Variants in AGAP5 observed in about 807,000 individuals in gnomAD.
The protein encoded by AGAP5 is ArfGAP with GTPase domain, ankyrin repeat and PH domain 5, also known as arf-GAP with GTPase, ANK repeat and PH domain-containing protein 5.
In AGAP5, 8 loss-of-function variants were observed where a neutral mutation model predicts 27.7. That is an observed-to-expected ratio of 0.29 (90% CI 0.17 to 0.52). AGAP5 has a LOEUF of 0.52. AGAP5 is among the 20% of genes least tolerant of loss of function. The probability of loss-of-function intolerance (pLI) is 0.97; values close to 1 mark genes in which losing one functional copy is unlikely to be tolerated. For missense variants in AGAP5, 285 were observed against 880.8 expected, an observed-to-expected ratio of 0.32 and a Z score of 8.56; for synonymous variants, 111 against 338.0, an observed-to-expected ratio of 0.33 and a Z score of 7.37.
rs766729026 is a variant in AGAP5 at position 73,697,646 on chromosome 10, C to T, written c.110G>A (p.Gly37Glu). The T allele has an allele frequency of 3.6e-5, 58 of 1,603,844 alleles. 1 individual carries two copies. The highest frequency in any genetic ancestry group is 5.0e-5 in the Admixed American group (3 of 60,004). Residue 37 changes from glycine to glutamate, a missense_variant, in exon 1 of 8, where the codon GGG becomes GAG. Transcript: ENST00000374094. ...SESEIYEAGAGDRMAGAPMAA... is the reference protein window; with the variant it reads ...SESEIYEAGAEDRMAGAPMAA... ...CATGGGCGCTCCTGCCATCCTGTCC[C>T]CAGCTCCTGCCTCATAGATCTCAGA...
At chr10:73,697,218 C>T in intron 1 of AGAP5, 55 bp from the exon 2 acceptor site, 1 of 1,586,436 alleles carries the variant, frequency 6.3e-7, no homozygotes, top group Non-Finnish European at 8.5e-7. Context: ...AAAAATTTAT[C>T]AACTCATTTA....
chr10:73,681,801 T>G, intron 5 of AGAP5: 1 of 596,296 alleles, frequency 1.7e-6, no homozygotes, highest in Non-Finnish European at 2.1e-6. Context: ...GAGACTTGGC[T>G]GACTACAGAC....
chr10:73,693,627 A>C (rs2132460677), intron 3 of AGAP5, among the ~76,000 whole-genome samples: 1 of 151,080 alleles, frequency 6.6e-6, no homozygotes, highest in Non-Finnish European at 1.5e-5. Context: ...TGAACCTGGG[A>C]GATGGAGGTT....
Position 73,675,343 on chromosome 10 carries a change from C to T in AGAP5, c.1317G>A (p.Gln439=). The T allele has an allele frequency of 3.1e-6, 5 of 1,613,840 alleles. No individual in the cohort carries two copies. Among genetic ancestry groups the T allele is most frequent in the Non-Finnish European group, 4.2e-6 (5 of 1,180,012 alleles). ...ACTGCAGGCTGGCCAGGATCTGGCT[C>T]TGGATGGCTTGGACCCAGGCATCCC... is the stretch of plus-strand genomic sequence containing the variant. ...EERDAWVQAI[Q]SQILASLQSC... The change falls in exon 8 of 8, where the codon CAG becomes CAA. Residue 439 remains glutamine (Q), a synonymous_variant. Transcript: ENST00000374094.
intron 2 of AGAP5, among the ~76,000 whole-genome samples, chr10:73,695,240 CATCAT>C (rs1344897732): frequency 3.3e-5 from 5 of 152,138 alleles, no homozygotes; most frequent in Admixed American, 1.3e-4. Context: ...AAAGTAAATT[CATCAT>C]ATCTGTCACT....
intron 1 of AGAP5, 76 bp downstream of exon 1, chr10:73,697,457 A>G (rs1414387248): frequency 1.4e-5 from 22 of 1,600,518 alleles, no homozygotes; most frequent in Admixed American, 1.7e-5. Flanking sequence ...AAAGTGGGGG[A>G]TGCCGTAAAG....
intron 4 of AGAP5, among the ~76,000 whole-genome samples, chr10:73,689,663 G>GTC (rs2082097885): frequency 6.6e-6 from 1 of 150,702 alleles, no homozygotes. Context: ...TGTGAGGAGC[G>GTC]TCTCTGCCCG....
chr10:73,678,177 C>T (rs1370486475), intron 6 of AGAP5, among the ~76,000 whole-genome samples: 1 of 152,150 alleles, frequency 6.6e-6, no homozygotes, highest in Non-Finnish European at 1.5e-5. Flanking sequence ...ATGGCCTGAG[C>T]TCCTTCAGGA....
At position 73,697,696 on chromosome 10, in the gene AGAP5, T is replaced by C. The variant is rs771980542; in HGVS notation, c.60A>G (p.Gln20=). Residue 20 remains glutamine (Q), a synonymous_variant, in exon 1 of 8, where the codon CAA becomes CAG. Transcript: ENST00000374094. ...ATTCAGAGGGACACACCGACCCCTG[T>C]TGCTGGTCAAACTCGAGGCTGACGC... ...HPSVSLEFDQ[Q]QGSVCPSESE... is the part of the protein sequence containing the mutation. The C allele has an allele frequency of 1.4e-4, 226 of 1,598,614 alleles. 1 individual carries two copies. Among genetic ancestry groups the C allele is most frequent in the Non-Finnish European group, 1.8e-4 (213 of 1,179,808 alleles).
chr10:73,674,962 C>T lies in AGAP5; in HGVS notation c.1698G>A (p.Trp566Ter). 6.2e-7 allele frequency: 1 copy of T among 1,613,068 alleles called. No individual in the cohort carries two copies. Among genetic ancestry groups the T allele is most frequent in the Non-Finnish European group, 8.5e-7 (1 of 1,179,950 alleles). ...GCTTCTCCTCATATTTGGAACGGATCCACCGTTCCTTCTCTTCCCTCGTGG... is the reference window on the plus strand; with the variant it reads ...GCTTCTCCTCATATTTGGAACGGATTCACCGTTCCTTCTCTTCCCTCGTGG... ...VKSTREEKER[W>*]IRSKYEEKLF... The change falls in exon 8 of 8, where the codon TGG (tryptophan) becomes TGA (stop). Residue 566 changes from tryptophan to a stop codon, truncating the protein, a stop_gained. Transcript: ENST00000374094. LOFTEE classifies it low-confidence loss of function (END_TRUNC).
rs200625197 is a variant in AGAP5 at position 73,674,742 on chromosome 10, C to A, written c.1918G>T (p.Ala640Ser). ...ACCCCGTACCAGATCAGGAGCTGTG[C>A]CAGGACCACATTCCCCTTGCGGCAG... Reference protein sequence around the residue: ...LACRKGNVVLAQLLIWYGVDV... With the variant: ...LACRKGNVVLSQLLIWYGVDV... Residue 640 changes from alanine to serine, a missense_variant, in exon 8 of 8, where the codon GCA becomes TCA. Transcript: ENST00000374094. The A allele has an allele frequency of 5.0e-6, 8 of 1,611,994 alleles. No homozygotes were observed. The highest frequency in any genetic ancestry group is 6.8e-6 in the Non-Finnish European group (8 of 1,179,870).
chr10:73,692,270 C>A (rs969558743), intron 3 of AGAP5, among the ~76,000 whole-genome samples, 193 bp from the exon 4 acceptor site: 1 of 151,658 alleles, frequency 6.6e-6, no homozygotes, highest in African/African-American at 2.4e-5. Flanking sequence ...CTTAGTTTTT[C>A]ATTTAGTTTA....
intron 2 of AGAP5, among the ~76,000 whole-genome samples, chr10:73,696,036 G>A (rs1476469202): frequency 2.6e-5 from 4 of 151,428 alleles, no homozygotes; most frequent in African/African-American, 4.8e-5. Flanking sequence ...TTTGTGAGAC[G>A]GAGTCTCGCT....
chr10:73,693,113 T>C (rs1230221163), intron 3 of AGAP5, among the ~76,000 whole-genome samples: 1 of 152,194 alleles, frequency 6.6e-6, no homozygotes, highest in Non-Finnish European at 1.5e-5. Flanking sequence ...TGGAAGGGCC[T>C]TGTAGGCAAA....
At chr10:73,692,927 A>C (rs527447478) in intron 3 of AGAP5, among the ~76,000 whole-genome samples, 1 of 152,232 alleles carries the variant, frequency 6.6e-6, no homozygotes, top group East Asian at 1.9e-4. Context: ...TTACAGGTGT[A>C]AGCCACAGAG....
intron 4 of AGAP5, among the ~76,000 whole-genome samples, chr10:73,687,540 T>C (rs1303681895): frequency 2.6e-5 from 4 of 152,238 alleles, no homozygotes; most frequent in Non-Finnish European, 4.4e-5. Context: ...AACAGCTCCA[T>C]ATATGTTGTG....
rs1432166182 is a variant in AGAP5, at chr10:73,674,421, C to T, written c.*178G>A. ...TAACACATCCACCTTGGCAAAAGGA[C>T]ATAAAATATGTCTTATGGTCAGAAA... is the stretch of plus-strand genomic sequence containing the variant. On this transcript the variant is annotated 3_prime_UTR_variant, in exon 8 of 8. Transcript: ENST00000374094. 7.8e-7 allele frequency: 1 copy of T among 1,276,994 alleles called. No homozygotes were observed. Among genetic ancestry groups the T allele is most frequent in the Non-Finnish European group, 1.1e-6 (1 of 932,750 alleles). 79.1% of individuals were successfully genotyped at this position (1,276,994 alleles called of 1,614,324 possible).
intron 4 of AGAP5, 95 bp downstream of exon 4, chr10:73,691,948 C>T (rs1305894186): frequency 8.9e-7 from 1 of 1,127,126 alleles, no homozygotes; most frequent in African/African-American, 1.6e-5. Flanking sequence ...GTCCATGCTA[C>T]CACCACCAGG....
At position 73,675,214 on chromosome 10, in the gene AGAP5, A is replaced by T. The variant is rs755565573; in HGVS notation, c.1446T>A (p.Tyr482Ter). 10 of 1,246,320 alleles carry T rather than the reference A, an allele frequency of 8.0e-6. 3 individuals carry two copies. The highest frequency in any genetic ancestry group is 9.4e-6 in the Non-Finnish European group (8 of 854,750). 77.2% of individuals were successfully genotyped at this position (1,246,320 alleles called of 1,614,324 possible). A position where few individuals can be genotyped will look rare whatever the true frequency, so the allele number is the denominator to read the frequency against. ...NMRGNAHCVD[Y>*]ETQNPKWASL... ...TGGCCCACTTAGGATTCTGGGTCTC[A>T]TAGTCCACACAGTGGGCGTTCCCAC... The change falls in exon 8 of 8, where the codon TAT becomes TAA. Residue 482 changes from tyrosine (Y) to a stop codon, truncating the protein, a stop_gained. Transcript: ENST00000374094. LOFTEE classifies it low-confidence loss of function (END_TRUNC).
Sources: gnomAD v4.1 joint callset for allele counts (sites outside exome capture counted in the v4.1 genomes callset) on GRCh38, gnomAD v4.1.1 for gene constraint, MANE v1.5 for transcripts, NCBI Gene and HGNC (gene_info 2026-07-23, HGNC 2026-07-21) for gene names.